SGCZ: variants seen among roughly 807,000 people sequenced by gnomAD.
SGCZ encodes zeta-sarcoglycan.
SGCZ carries 40 observed loss-of-function variants against 41.3 expected under a neutral mutation model. That is an observed-to-expected ratio of 0.97 (90% CI 0.75 to 1.26). SGCZ has a LOEUF of 1.26. Ranked by LOEUF, SGCZ falls within the 50% of genes most tolerant of loss-of-function variation. The probability of loss-of-function intolerance (pLI) is 0.00; values close to 1 mark genes in which losing one functional copy is unlikely to be tolerated. For synonymous variants in SGCZ, 206 were observed against 137.5 expected, an observed-to-expected ratio of 1.50 and a Z score of -3.49; for missense variants, 552 against 369.8, an observed-to-expected ratio of 1.49 and a Z score of -4.04.
intron 1 of SGCZ, among the ~76,000 whole-genome samples, chr8:15,195,169 T>C (rs2117119750): frequency 6.6e-6 from 1 of 152,316 alleles, no homozygotes; most frequent in African/African-American, 2.4e-5. Flanking sequence ...AAGTCTTATC[T>C]AGATCCCACT....
intron 3 of SGCZ, among the ~76,000 whole-genome samples, chr8:14,257,493 T>C: frequency 6.6e-6 from 1 of 152,226 alleles, no homozygotes; most frequent in Non-Finnish European, 1.5e-5. Flanking sequence ...TGACAATTTT[T>C]TTTTTATACT....
intron 3 of SGCZ, among the ~76,000 whole-genome samples, chr8:14,260,522 T>G (rs1029931957): frequency 2.0e-4 from 29 of 146,884 alleles, no homozygotes; most frequent in African/African-American, 6.7e-4. Context: ...GTTCAACCAT[T>G]GTGGAAGTCA....
chr8:14,771,769 A>G (rs548954728), intron 1 of SGCZ, among the ~76,000 whole-genome samples: 3 of 152,248 alleles, frequency 2.0e-5, no homozygotes, highest in Admixed American at 1.3e-4. Flanking sequence ...GGGGGGTAAG[A>G]CTGTCAGTAT....
chr8:14,124,406 A>G (rs1203534140), intron 5 of SGCZ, among the ~76,000 whole-genome samples: 1 of 152,138 alleles, frequency 6.6e-6, no homozygotes, highest in East Asian at 1.9e-4. Context: ...GACCCCAAAG[A>G]TGAAATTAGG....
Position 15,153,331 on chromosome 8 carries a change from A to G in SGCZ, c.39+84254T>C, listed in dbSNP as rs182666828. 1.2e-3 allele frequency among the ~76,000 whole-genome samples: 176 copies of G among 152,344 alleles called. 4 individuals are homozygous for G. In the South Asian group the frequency reaches 0.035, roughly 30 times the overall value. On this transcript the variant is annotated intron_variant, in intron 1 of 7. Coordinates refer to ENST00000382080, the MANE Select transcript of SGCZ (RefSeq NM_139167.4). ...ATGCCTAACATATATACTGAAGTCC[A>G]TGTTGAAGCCAAAGTGGAATGTGCA...
chr8:14,462,099 G>T (rs73664363), intron 2 of SGCZ, among the ~76,000 whole-genome samples: 2,837 of 151,930 alleles, frequency 0.019, 68 homozygotes, highest in African/African-American at 0.05. Context: ...ATATTATCCA[G>T]AATAATTGAC....
chr8:14,567,216 A>C (rs560032214), intron 1 of SGCZ, among the ~76,000 whole-genome samples: 1 of 152,294 alleles, frequency 6.6e-6, no homozygotes, highest in Non-Finnish European at 1.5e-5. Context: ...AGGGCTGAGG[A>C]GTGCAGGCGC....
chr8:14,751,427 A>G (rs1452099226), intron 1 of SGCZ, among the ~76,000 whole-genome samples: 1 of 152,216 alleles, frequency 6.6e-6, no homozygotes, highest in East Asian at 1.9e-4. Flanking sequence ...CTTCTGATCA[A>G]AAACACATAG....
intron 1 of SGCZ, among the ~76,000 whole-genome samples, chr8:14,752,132 CAAAAAA>C (rs56243371): frequency 1.2e-4 from 14 of 117,788 alleles, no homozygotes; most frequent in African/African-American, 4.7e-4. Flanking sequence ...ACAAAAAAGC[CAAAAAA>C]AAAAAAAAAA....
chr8:14,651,760 G>A (rs187128177), intron 1 of SGCZ, among the ~76,000 whole-genome samples: 1 of 152,074 alleles, frequency 6.6e-6, no homozygotes, highest in African/African-American at 2.4e-5. Flanking sequence ...CAAATATTGT[G>A]TTTCTACCCC....
In SGCZ at chr8:14,566,589, A is replaced by C. The variant is rs373444143; in HGVS notation, c.40-11663T>G. Among the ~76,000 whole-genome samples, 4 of 152,380 alleles carry C rather than the reference A, an allele frequency of 2.6e-5. No homozygotes were observed. In the East Asian group the frequency reaches 7.7e-4, roughly 29 times the overall value. ...TTTGCCTTTCCACCAAAGATGAAAAAGGAAAAGAGAAAATGACTGATGCTA... is the reference window on the plus strand; with the variant it reads ...TTTGCCTTTCCACCAAAGATGAAAACGGAAAAGAGAAAATGACTGATGCTA... On this transcript the variant is annotated intron_variant, in intron 1 of 7. Transcript: ENST00000382080.
chr8:15,120,991 G>A (rs568636675), intron 1 of SGCZ, among the ~76,000 whole-genome samples: 4 of 152,158 alleles, frequency 2.6e-5, no homozygotes, highest in Non-Finnish European at 5.9e-5. Flanking sequence ...AATCCTGTCA[G>A]ATTTCATTTA....
chr8:14,319,428 G>C (rs1332725655), intron 3 of SGCZ: 1 of 152,002 alleles, frequency 6.6e-6, no homozygotes, highest in Non-Finnish European at 1.5e-5. Flanking sequence ...AAGCATGAAT[G>C]ATTTCAAGGA....
chr8:14,614,895 G>T (rs10888091), intron 1 of SGCZ, among the ~76,000 whole-genome samples: 118,521 of 151,938 alleles, frequency 0.78, 46,648 homozygotes, highest in Non-Finnish European at 0.83. Flanking sequence ...ACCCAAGCAT[G>T]ACATGTTTTA....
rs186949041 is a variant in SGCZ, at chr8:14,728,519, T to C, written c.40-173593A>G. 1.0e-3 allele frequency among the ~76,000 whole-genome samples: 154 copies of C among 152,162 alleles called. 4 individuals are homozygous for C. The East Asian group carries it at 0.019, about 18-fold the overall frequency. ...TGGAAAAAGACACGAAAATGAATTA[T>C]GAATAGTAAAATAATGGAGATTTTA... On this transcript the variant is annotated intron_variant, in intron 1 of 7. Transcript: ENST00000382080.
At chr8:14,204,667 A>AT in intron 4 of SGCZ, among the ~76,000 whole-genome samples, 1 of 152,280 alleles carries the variant, frequency 6.6e-6, no homozygotes, top group Non-Finnish European at 1.5e-5. Context: ...AACACCATCC[A>AT]ATCATCAGCG....
chr8:14,091,688 T>C (rs1234845242), intron 7 of SGCZ, among the ~76,000 whole-genome samples: 4 of 152,088 alleles, frequency 2.6e-5, no homozygotes, highest in Non-Finnish European at 4.4e-5. Context: ...TTTTTTCCTG[T>C]AAATTTGTTT....
At chr8:14,520,203 A>C (rs1239959629) in intron 2 of SGCZ, among the ~76,000 whole-genome samples, 2 of 152,214 alleles carry the variant, frequency 1.3e-5, no homozygotes, top group East Asian at 3.9e-4. Flanking sequence ...GGAACTACTA[A>C]AACAAAATAT....
chr8:14,539,145 T>C (rs148326069), intron 2 of SGCZ, among the ~76,000 whole-genome samples: 3,143 of 152,140 alleles, frequency 0.021, 122 homozygotes, highest in African/African-American at 0.07. Flanking sequence ...CAGAGGAAGA[T>C]AGAATTCGGC....
Sources: gnomAD v4.1 joint callset for allele counts (sites outside exome capture counted in the v4.1 genomes callset) on GRCh38, gnomAD v4.1.1 for gene constraint, MANE v1.5 for transcripts, NCBI Gene and HGNC (gene_info 2026-07-23, HGNC 2026-07-21) for gene names.